Variants in TAF2 observed in about 807,000 individuals in gnomAD.
The protein encoded by TAF2 is transcription initiation factor TFIID subunit 2.
Under a neutral mutation model 138.5 loss-of-function variants are expected in TAF2, and 61 were observed. That is an observed-to-expected ratio of 0.44 (90% CI 0.36 to 0.54). The LOEUF (loss-of-function observed/expected upper bound fraction) is 0.54, where lower values mean the gene tolerates loss of function less well. Among genes scored for constraint, TAF2 ranks in the 20% least tolerant of loss-of-function variants. The pLI is 0.00. For missense variants in TAF2, 1,090 were observed against 1,427.9 expected, an observed-to-expected ratio of 0.76 and a Z score of 3.81; for synonymous variants, 475 against 469.9, an observed-to-expected ratio of 1.01 and a Z score of -0.14.
At chr8:119,778,868 A>T (rs1456366335) in intron 17 of TAF2, among the ~76,000 whole-genome samples, 1 of 152,224 alleles carries the variant, frequency 6.6e-6, no homozygotes, top group Non-Finnish European at 1.5e-5. Context: ...AGGACTACAG[A>T]TGCATAGACA....
chr8:119,826,840 C>T (rs1826132883), intron 2 of TAF2, among the ~76,000 whole-genome samples: 1 of 152,200 alleles, frequency 6.6e-6, no homozygotes, highest in Non-Finnish European at 1.5e-5. Flanking sequence ...CCAGCCTCGG[C>T]CTCCCAAAGT....
chr8:119,832,293 G>T lies in TAF2; in HGVS notation c.83+189C>A, dbSNP rs190832217. 1.8e-4 allele frequency among the ~76,000 whole-genome samples: 27 copies of T among 152,200 alleles called. No individual in the cohort carries two copies. The East Asian group carries it at 4.8e-3, about 27-fold the overall frequency. ...CAAAAACTTTAGTAACTTGCAACGGGAATTAAATTTGCTGAATAACCTGTC... is the reference window on the plus strand; with the variant it reads ...CAAAAACTTTAGTAACTTGCAACGGTAATTAAATTTGCTGAATAACCTGTC... On this transcript the variant is annotated intron_variant, in intron 1 of 25. Transcript: ENST00000378164.
intron 3 of TAF2, among the ~76,000 whole-genome samples, chr8:119,816,928 C>G (rs916456815): frequency 2.0e-5 from 3 of 152,144 alleles, no homozygotes; most frequent in Admixed American, 6.5e-5. Context: ...TCTAATAAAA[C>G]TCTAAAATAA....
intron 18 of TAF2, among the ~76,000 whole-genome samples, chr8:119,763,202 T>C (rs994583438): frequency 6.6e-6 from 1 of 152,196 alleles, no homozygotes; most frequent in African/African-American, 2.4e-5. Context: ...TAAACATTTT[T>C]ATGTTCAAAT....
At position 119,785,198 on chromosome 8, in the gene TAF2, T is replaced by TA; in HGVS notation, c.1859+2dup. On this transcript the variant is annotated splice_region_variant and intron_variant, in intron 15 of 25. Coordinates refer to ENST00000378164, the MANE Select transcript of TAF2 (RefSeq NM_003184.4). ...AACCTTATATTTAAGTTAACTAACT[T>TA]ACTCCATTGCAGAAAGATCCATATC... 2 of 1,610,856 alleles carry TA rather than the reference T, an allele frequency of 1.2e-6. No homozygotes were observed. Among genetic ancestry groups the TA allele is most frequent in the Non-Finnish European group, 1.7e-6 (2 of 1,177,340 alleles).
At chr8:119,781,675 T>C (rs1251469168) in intron 16 of TAF2, among the ~76,000 whole-genome samples, 1 of 149,110 alleles carries the variant, frequency 6.7e-6, no homozygotes, top group Non-Finnish European at 1.5e-5. Flanking sequence ...ACAGACTCTC[T>C]CCAAAAAAAA....
At chr8:119,784,344 CA>C (rs906807195) in intron 15 of TAF2, among the ~76,000 whole-genome samples, 5 of 152,100 alleles carry the variant, frequency 3.3e-5, no homozygotes, top group African/African-American at 1.2e-4. Flanking sequence ...CACTTGAGGT[CA>C]GGGGTTCAAG....
intron 13 of TAF2, 136 bp downstream of exon 13, chr8:119,788,654 C>CA: frequency 2.5e-6 from 2 of 811,272 alleles, no homozygotes; most frequent in Non-Finnish European, 4.2e-6. Flanking sequence ...CCTTCTTTGA[C>CA]AAAGTCAATG....
intron 16 of TAF2, among the ~76,000 whole-genome samples, 182 bp downstream of exon 16, chr8:119,783,199 C>A (rs1453463485): frequency 6.6e-6 from 1 of 152,118 alleles, no homozygotes; most frequent in African/African-American, 2.4e-5. Context: ...TTCTGCATAT[C>A]TATTTTCAGA....
At chr8:119,821,068 C>G (rs1475409105) in intron 2 of TAF2, among the ~76,000 whole-genome samples, 2 of 152,140 alleles carry the variant, frequency 1.3e-5, no homozygotes, top group Non-Finnish European at 2.9e-5. Context: ...GACATAAGAA[C>G]AGCATCTGGT....
At chr8:119,831,774 T>G in intron 1 of TAF2, 43 bp from the exon 2 acceptor site, 1 of 1,287,872 alleles carries the variant, frequency 7.8e-7, no homozygotes, top group Non-Finnish European at 1.1e-6. Context: ...AAAAATAATT[T>G]TTATTATTAA....
At position 119,768,505 on chromosome 8, in the gene TAF2, C is replaced by G. The variant is rs182962594; in HGVS notation, c.2365-5897G>C. On this transcript the variant is annotated intron_variant, in intron 18 of 25. Transcript: ENST00000378164. Reference sequence around the variant, plus strand: ...CTTGGTATTGATTTCTAATTTTATTCCACTGTGGTCTGAGAAGATACTTGA... The same window carrying G: ...CTTGGTATTGATTTCTAATTTTATTGCACTGTGGTCTGAGAAGATACTTGA... Among the ~76,000 whole-genome samples, 354 of 152,244 alleles carry G rather than the reference C, an allele frequency of 2.3e-3. 1 individual carries two copies. The highest frequency in any genetic ancestry group is 2.5e-3 in the Non-Finnish European group (170 of 68,018).
At position 119,779,632 on chromosome 8, in the gene TAF2, G is replaced by A. The variant is rs540387223; in HGVS notation, c.2253+1421C>T. 1.6e-4 allele frequency among the ~76,000 whole-genome samples: 25 copies of A among 152,162 alleles called. 1 individual carries two copies. Among genetic ancestry groups the A allele is most frequent in the African/African-American group, 5.1e-4 (21 of 41,440 alleles). On this transcript the variant is annotated intron_variant, in intron 17 of 25. Coordinates refer to ENST00000378164, the MANE Select transcript of TAF2 (RefSeq NM_003184.4). ...CCTTTCCCAAAACTTGGATCATCCT[G>A]AATCTGTCCTGATTAGATTTACTAT...
chr8:119,799,344 C>T (rs1486790085), intron 6 of TAF2, among the ~76,000 whole-genome samples: 1 of 147,554 alleles, frequency 6.8e-6, no homozygotes, highest in East Asian at 2.1e-4. Flanking sequence ...GTGTGATGTT[C>T]CCCTTCCTGT....
intron 3 of TAF2, among the ~76,000 whole-genome samples, chr8:119,809,998 T>TAA (rs56281726): frequency 0.12 from 13,526 of 117,522 alleles, 1,362 homozygotes; most frequent in African/African-American, 0.25. Flanking sequence ...CTTCAATTTG[T>TAA]AAAAAAAAAA....
At chr8:119,831,020 C>G (rs1563936348) in intron 2 of TAF2, among the ~76,000 whole-genome samples, 1 of 152,070 alleles carries the variant, frequency 6.6e-6, no homozygotes, top group Non-Finnish European at 1.5e-5. Context: ...GGTAGGACAA[C>G]TGCTTGAACC....
chr8:119,755,884 T>C (rs1303691177), intron 22 of TAF2, 122 bp downstream of exon 22: 10 of 786,200 alleles, frequency 1.3e-5, no homozygotes, highest in Non-Finnish European at 2.1e-5. Flanking sequence ...ATAGTCTACT[T>C]AAAAGAAAAA....
At chr8:119,788,224 A>G (rs1823163433) in intron 14 of TAF2, 114 bp downstream of exon 14, 1 of 879,978 alleles carries the variant, frequency 1.1e-6, no homozygotes, top group East Asian at 2.7e-5. Context: ...GTATCCCACA[A>G]CTTAAAGTAT....
intron 22 of TAF2, among the ~76,000 whole-genome samples, chr8:119,749,292 T>G (rs890063579): frequency 1.3e-5 from 2 of 152,188 alleles, no homozygotes; most frequent in African/African-American, 4.8e-5. Context: ...TGCTAGACCT[T>G]TAATTTGGAC....
Sources: gnomAD v4.1 joint callset for allele counts (sites outside exome capture counted in the v4.1 genomes callset) on GRCh38, gnomAD v4.1.1 for gene constraint, MANE v1.5 for transcripts, NCBI Gene and HGNC (gene_info 2026-07-23, HGNC 2026-07-21) for gene names.